PLOD2: variants seen among roughly 807,000 people sequenced by gnomAD.
PLOD2 encodes procollagen-lysine,2-oxoglutarate 5-dioxygenase 2.
A neutral mutation model predicts 101.0 loss-of-function variants in PLOD2; 65 were observed. The ratio of observed to expected loss-of-function variants is 0.64; its 90% confidence interval spans 0.53 to 0.79. The LOEUF is 0.79. PLOD2 is among the 30% of genes least tolerant of loss of function. The pLI is 0.00. For synonymous variants in PLOD2, 314 were observed against 302.9 expected, an observed-to-expected ratio of 1.04 and a Z score of -0.38; for missense variants, 909 against 914.6, an observed-to-expected ratio of 0.99 and a Z score of 0.08.
chr3:146,160,828 GC>G (rs978509903), intron 1 of PLOD2, 52 bp downstream of exon 1: 53 of 1,136,474 alleles, frequency 4.7e-5, no homozygotes, highest in African/African-American at 3.1e-4. Flanking sequence ...TGAATGAACT[GC>G]CCCCCCGCCG....
intron 7 of PLOD2, 63 bp from the exon 8 acceptor site, chr3:146,091,964 A>G: frequency 1.2e-6 from 1 of 813,436 alleles, no homozygotes; most frequent in Admixed American, 1.8e-5. Flanking sequence ...GTTTCATTCT[A>G]TAATCATCTA....
Position 146,117,409 on chromosome 3 carries a change from C to A in PLOD2, c.338+3703G>T, listed in dbSNP as rs377234805. ...ATTTACAAACAGTTTAATTCATTCTCCCAGGCCCTAGATTACAATTTTCAA... is the reference window on the plus strand; with the variant it reads ...ATTTACAAACAGTTTAATTCATTCTACCAGGCCCTAGATTACAATTTTCAA... On this transcript the variant is annotated intron_variant, in intron 3 of 19. Transcript: ENST00000282903. Among the ~76,000 whole-genome samples, 7 of 152,178 alleles carry A rather than the reference C, an allele frequency of 4.6e-5. No homozygotes were observed. The South Asian group carries it at 8.3e-4, about 18-fold the overall frequency.
intron 1 of PLOD2, among the ~76,000 whole-genome samples, chr3:146,130,676 G>A (rs1032955189): frequency 7.2e-5 from 11 of 152,190 alleles, no homozygotes; most frequent in African/African-American, 2.7e-4. Flanking sequence ...TTAAACTCCA[G>A]TAAAGTAATC....
chr3:146,075,487 T>TAAA (rs35706246), intron 15 of PLOD2, among the ~76,000 whole-genome samples: 8,122 of 93,540 alleles, frequency 0.087, 475 homozygotes, highest in African/African-American at 0.16. Flanking sequence ...CTCAAATCTG[T>TAAA]AAAAAAAAAA....
intron 3 of PLOD2, among the ~76,000 whole-genome samples, chr3:146,117,569 A>C (rs1030298429): frequency 2.6e-5 from 4 of 152,056 alleles, no homozygotes; most frequent in African/African-American, 9.7e-5. Flanking sequence ...CATGACCCCT[A>C]GGTTTTTTCC....
chr3:146,126,877 T>A (rs2108102816), intron 1 of PLOD2, among the ~76,000 whole-genome samples: 1 of 152,240 alleles, frequency 6.6e-6, no homozygotes, highest in South Asian at 2.1e-4. Context: ...TAATACCCTA[T>A]CAAATGATAT....
intron 1 of PLOD2, among the ~76,000 whole-genome samples, chr3:146,141,428 TG>T (rs2031517070): frequency 6.6e-6 from 1 of 152,092 alleles, no homozygotes; most frequent in South Asian, 2.1e-4. Flanking sequence ...CAGATTGAGA[TG>T]GGGAAAGAAA....
At chr3:146,118,618 GAAAAT>G (rs754963613) in intron 3 of PLOD2, among the ~76,000 whole-genome samples, 20 of 152,004 alleles carry the variant, frequency 1.3e-4, no homozygotes, top group East Asian at 3.9e-4. Context: ...ATAAGACACA[GAAAAT>G]AAAATAAAGG....
chr3:146,108,924 G>A (rs901365818), intron 4 of PLOD2, among the ~76,000 whole-genome samples: 3 of 152,168 alleles, frequency 2.0e-5, no homozygotes, highest in Non-Finnish European at 4.4e-5. Flanking sequence ...TTAAACAATG[G>A]AGGACTTAGA....
At chr3:146,125,533 G>A (rs1269166775) in intron 1 of PLOD2, among the ~76,000 whole-genome samples, 1 of 152,050 alleles carries the variant, frequency 6.6e-6, no homozygotes, top group Admixed American at 6.6e-5. Context: ...TATCACTTGA[G>A]AGCAGCAGTT....
intron 11 of PLOD2, 136 bp from the exon 12 acceptor site, chr3:146,081,999 T>C (rs1285081794): frequency 1.8e-6 from 1 of 543,376 alleles, no homozygotes; most frequent in African/African-American, 2.0e-5. Context: ...CTGTAGTTAA[T>C]AAAAATAAAA....
intron 1 of PLOD2, among the ~76,000 whole-genome samples, chr3:146,154,369 T>A (rs1038781398): frequency 3.3e-5 from 5 of 152,186 alleles, no homozygotes; most frequent in African/African-American, 1.2e-4. Context: ...GTAGTATACC[T>A]TGTCACTTCT....
intron 1 of PLOD2, among the ~76,000 whole-genome samples, chr3:146,152,415 G>C (rs980394953): frequency 2.0e-5 from 3 of 151,332 alleles, no homozygotes; most frequent in African/African-American, 7.3e-5. Context: ...GCAAGACTCC[G>C]TCTCAAAAAA....
At chr3:146,130,181 G>A (rs1266272159) in intron 1 of PLOD2, among the ~76,000 whole-genome samples, 1 of 152,058 alleles carries the variant, frequency 6.6e-6, no homozygotes, top group African/African-American at 2.4e-5. Context: ...TCAAAGAGAA[G>A]AGCCTTTTCA....
chr3:146,114,734 C>A (rs755415332), intron 3 of PLOD2, among the ~76,000 whole-genome samples: 103 of 152,030 alleles, frequency 6.8e-4, no homozygotes, highest in Non-Finnish European at 1.3e-3. Flanking sequence ...CGTGCTCCAC[C>A]AAATTAAGGG....
rs773951039 is a variant in PLOD2, at chr3:146,091,817, C to T, written c.862G>A (p.Asp288Asn). Residue 288 changes from aspartate to asparagine, a missense_variant, in exon 8 of 20, where the codon GAC (aspartate) becomes AAC (asparagine). Transcript: ENST00000282903. ...GCTLCEFDTVDLSAVDVHPNV... is the reference protein window; with the variant it reads ...GCTLCEFDTVNLSAVDVHPNV... ...CCACTTACATCTACTGCAGACAAGT[C>T]GACTGTATCGAATTCACAAAGAGTG... 5 of 1,588,554 alleles carry T rather than the reference C, an allele frequency of 3.1e-6. No homozygotes were observed.
At chr3:146,095,820 A>T (rs1264570835) in intron 7 of PLOD2, among the ~76,000 whole-genome samples, 1 of 151,016 alleles carries the variant, frequency 6.6e-6, no homozygotes, top group African/African-American at 2.4e-5. Flanking sequence ...ATGCCCATCA[A>T]TGATAGACTG....
At chr3:146,117,382 C>T (rs1937959936) in intron 3 of PLOD2, among the ~76,000 whole-genome samples, 1 of 152,052 alleles carries the variant, frequency 6.6e-6, no homozygotes, top group Admixed American at 6.6e-5. Context: ...ATATTTCAAA[C>T]CATTTACAAA....
chr3:146,096,001 C>CGAG (rs1472567538), intron 7 of PLOD2, among the ~76,000 whole-genome samples: 2 of 147,382 alleles, frequency 1.4e-5, no homozygotes, highest in Non-Finnish European at 3.0e-5. Context: ...ATTCTCCTGC[C>CGAG]TCAGCCTGCC....
Sources: allele counts gnomAD v4.1 joint callset (sites outside exome capture counted in the v4.1 genomes callset), GRCh38; gene constraint gnomAD v4.1.1; transcripts MANE v1.5; gene names NCBI Gene and HGNC (gene_info 2026-07-23, HGNC 2026-07-21).